Variants in BACH2 observed in about 807,000 individuals in gnomAD.
BACH2 encodes transcription regulator protein BACH2.
Under a neutral mutation model 61.8 loss-of-function variants are expected in BACH2, and 5 were observed. That is an observed-to-expected ratio of 0.08 (90% CI 0.04 to 0.17). The LOEUF (loss-of-function observed/expected upper bound fraction) is 0.17. Among genes scored for constraint, BACH2 ranks in the 10% least tolerant of loss-of-function variants. BACH2 has a pLI of 1.00. For missense variants in BACH2, 824 were observed against 1,091.1 expected (o/e 0.76, Z 3.45); for synonymous variants, 446 against 440.1 (o/e 1.01, Z -0.17).
At chr6:90,105,081 C>A (rs1387340283) in intron 4 of BACH2, among the ~76,000 whole-genome samples, 1 of 152,196 alleles carries the variant, frequency 6.6e-6, no homozygotes, top group Non-Finnish European at 1.5e-5. Flanking sequence ...TGGAGCCCTA[C>A]AAATATTACA....
intron 7 of BACH2, among the ~76,000 whole-genome samples, chr6:89,945,336 T>C (rs1251157131): frequency 6.6e-6 from 1 of 152,234 alleles, no homozygotes; most frequent in Non-Finnish European, 1.5e-5. Context: ...TATGGAATAT[T>C]ACTCAGGAAT....
In BACH2 at chr6:89,987,961, G is replaced by C. The variant is rs116778398; in HGVS notation, c.243+20641C>G. 2.3e-3 allele frequency among the ~76,000 whole-genome samples: 355 copies of C among 152,208 alleles called. 6 individuals are homozygous for C. The highest frequency in any genetic ancestry group is 7.8e-3 in the African/African-American group (322 of 41,542). ...CTCTGGATACCACTAGCAAAACAAA[G>C]AGAGCTCTCTTGAACTTCTCCAAGT... On this transcript the variant is annotated intron_variant, in intron 6 of 8. Coordinates refer to ENST00000257749, the MANE Select transcript of BACH2 (RefSeq NM_021813.4).
chr6:90,104,626 C>T (rs1029527072), intron 4 of BACH2, among the ~76,000 whole-genome samples: 2 of 152,214 alleles, frequency 1.3e-5, no homozygotes, highest in African/African-American at 4.8e-5. Flanking sequence ...GAATTTCCCA[C>T]CCAAATGGTT....
At chr6:90,113,167 C>T (rs1009507651) in intron 4 of BACH2, among the ~76,000 whole-genome samples, 1 of 152,190 alleles carries the variant, frequency 6.6e-6, no homozygotes, top group African/African-American at 2.4e-5. Flanking sequence ...GAGACTTCAA[C>T]ACTCCACTGA....
At chr6:89,987,055 CTCTG>C (rs1021855865) in intron 6 of BACH2, among the ~76,000 whole-genome samples, 30 of 152,282 alleles carry the variant, frequency 2.0e-4, no homozygotes, top group African/African-American at 6.3e-4. Flanking sequence ...TAACTTGTCT[CTCTG>C]TCTTAGAAAA....
intron 4 of BACH2, among the ~76,000 whole-genome samples, chr6:90,184,298 C>T (rs771728998): frequency 5.9e-5 from 9 of 152,288 alleles, no homozygotes; most frequent in Non-Finnish European, 1.2e-4. Context: ...CCTCCTTCCT[C>T]ATGCTATTAT....
intron 6 of BACH2, chr6:89,952,137 T>C: frequency 2.2e-6 from 1 of 461,472 alleles, no homozygotes; most frequent in South Asian, 2.7e-5. Flanking sequence ...GTTCAGTGTT[T>C]ACACTAATGA....
intron 7 of BACH2, among the ~76,000 whole-genome samples, chr6:89,946,040 TA>T (rs776918392): frequency 5.3e-5 from 8 of 152,176 alleles, no homozygotes; most frequent in Non-Finnish European, 1.0e-4. Flanking sequence ...ATAAAACTAA[TA>T]TTTTTTTATA....
Position 89,951,759 on chromosome 6 carries a change from A to C in BACH2, c.347T>G (p.Leu116Arg). 6.2e-7 allele frequency: 1 copy of C among 1,614,244 alleles called. No individual in the cohort carries two copies. The stretch of plus-strand genomic sequence containing the variant: ...GGAGTCCTCCAGGTTGTGCATGCGC[A>C]GGAACTCAGCACAGCGGATGACCTC... ...IREVIRCAEF[L>R]RMHNLEDSCF... The change falls in exon 7 of 9, where the codon CTG becomes CGG. Residue 116 changes from leucine to arginine, a missense_variant. Around this residue, in one of 8 missense-constraint regions of BACH2, gnomAD observed 107 missense variants for 121.7 expected, o/e 0.88. Coordinates refer to ENST00000257749, the MANE Select transcript of BACH2 (RefSeq NM_021813.4). The surrounding 1 kb of genome is among the most constrained non-coding windows in gnomAD (Gnocchi z 6.4).
intron 4 of BACH2, among the ~76,000 whole-genome samples, chr6:90,141,036 C>T (rs1784441121): frequency 6.6e-6 from 1 of 152,098 alleles, no homozygotes; most frequent in African/African-American, 2.4e-5. Flanking sequence ...TAAATAGATG[C>T]TAGTCCACAA....
At chr6:90,293,703 T>A (rs1772251908) in intron 1 of BACH2, among the ~76,000 whole-genome samples, 4 of 152,214 alleles carry the variant, frequency 2.6e-5, no homozygotes, top group Admixed American at 2.6e-4. Context: ...CTGAATCTAC[T>A]TTTAAGCAGT....
intron 5 of BACH2, among the ~76,000 whole-genome samples, chr6:90,032,700 G>T (rs1378555441): frequency 6.6e-6 from 1 of 152,142 alleles, no homozygotes; most frequent in Non-Finnish European, 1.5e-5. Flanking sequence ...TAAAAAGTCA[G>T]GAAACAACAG....
chr6:90,223,787 TAA>T (rs1294453585), intron 3 of BACH2, among the ~76,000 whole-genome samples: 1 of 152,142 alleles, frequency 6.6e-6, no homozygotes, highest in Non-Finnish European at 1.5e-5. Flanking sequence ...AATTGATTTT[TAA>T]AAGTGATCCA....
At chr6:90,038,763 G>A (rs941942021) in intron 5 of BACH2, among the ~76,000 whole-genome samples, 1 of 152,038 alleles carries the variant, frequency 6.6e-6, no homozygotes, top group African/African-American at 2.4e-5. Context: ...TATGGCCCGG[G>A]CATGGTGGCT....
chr6:90,195,563 C>G (rs142814306), intron 4 of BACH2, among the ~76,000 whole-genome samples: 1 of 152,108 alleles, frequency 6.6e-6, no homozygotes, highest in Non-Finnish European at 1.5e-5. Flanking sequence ...CGTGATTCAG[C>G]GGATTCTAAG....
intron 4 of BACH2, among the ~76,000 whole-genome samples, chr6:90,163,313 C>A (rs745793955): frequency 4.0e-5 from 6 of 151,816 alleles, no homozygotes; most frequent in African/African-American, 9.7e-5. Context: ...GAAAATAAGT[C>A]CTTGGTACTA....
chr6:90,014,771 C>T (rs1345085508), intron 5 of BACH2, among the ~76,000 whole-genome samples: 2 of 151,158 alleles, frequency 1.3e-5, no homozygotes, highest in African/African-American at 2.4e-5. Context: ...CCGCCCCTGG[C>T]CTTTTTATTT....
intron 4 of BACH2, among the ~76,000 whole-genome samples, chr6:90,100,702 G>GACACACACACACACACACAC (rs372719418): frequency 1.7e-4 from 11 of 64,204 alleles, no homozygotes; most frequent in African/African-American, 2.6e-4. Flanking sequence ...CACACACACA[G>GACACACACACACACACACAC]ACACACACAC....
At chr6:89,998,565 T>C (rs1419223320) in intron 6 of BACH2, among the ~76,000 whole-genome samples, 2 of 152,214 alleles carry the variant, frequency 1.3e-5, no homozygotes, top group African/African-American at 4.8e-5. Flanking sequence ...ACAAGCCAAT[T>C]CTTTTCTAGC....
Sources: allele counts gnomAD v4.1 joint callset (sites outside exome capture counted in the v4.1 genomes callset), GRCh38; gene constraint gnomAD v4.1.1; regional missense constraint gnomAD v4.1.1; non-coding constraint Gnocchi (gnomAD v3.1); transcripts MANE v1.5; gene names NCBI Gene and HGNC (gene_info 2026-07-23, HGNC 2026-07-21).